The following CACNA1D variants were observed in gnomAD, a reference collection of about 807,000 sequenced individuals.
CACNA1D encodes calcium voltage-gated channel subunit alpha1 D.
Under a neutral mutation model 257.1 loss-of-function variants are expected in CACNA1D, and 55 were observed. The ratio of observed to expected loss-of-function variants is 0.21; its 90% confidence interval spans 0.17 to 0.27. CACNA1D has a LOEUF of 0.27. Ranked by LOEUF, CACNA1D falls within the 10% of genes least tolerant of loss-of-function variation. The probability of loss-of-function intolerance (pLI) is 1.00; values close to 1 mark genes in which losing one functional copy is unlikely to be tolerated. For missense variants in CACNA1D, 1,876 were observed against 2,784.0 expected (o/e 0.67, Z 7.34); for synonymous variants, 980 against 1,014.9 (o/e 0.97, Z 0.65).
In CACNA1D at chr3:53,706,348, A is replaced by C. The variant is rs143592374; in HGVS notation, c.1390+3538A>C. Among the ~76,000 whole-genome samples the C allele has an allele frequency of 3.5e-3, 533 of 152,320 alleles. 4 individuals are homozygous for C. Among genetic ancestry groups the C allele is most frequent in the African/African-American group, 0.012 (502 of 41,556 alleles). The stretch of plus-strand genomic sequence containing the variant: ...CAGCAGATGTCTGTGAGCTCACAGG[A>C]GGCAAAGGCTTGGGCTGGAGGGCAT... On this transcript the variant is annotated intron_variant, in intron 9 of 47. Coordinates refer to ENST00000350061, the MANE Select transcript of CACNA1D (RefSeq NM_001128840.3).
chr3:53,573,283 A>C (rs1251646290), intron 3 of CACNA1D, among the ~76,000 whole-genome samples: 1 of 152,080 alleles, frequency 6.6e-6, no homozygotes, highest in East Asian at 1.9e-4. Flanking sequence ...CCCCCGTAGG[A>C]GCGTCCTTTT....
intron 3 of CACNA1D, among the ~76,000 whole-genome samples, chr3:53,603,612 A>G (rs572776896): frequency 1.3e-5 from 2 of 152,356 alleles, no homozygotes; most frequent in Non-Finnish European, 2.9e-5. Context: ...TTAGCGACAG[A>G]GGGAGAAAAA....
rs555627579 is a variant in CACNA1D at position 53,787,993 on chromosome 3, G to A, written c.4923+1041G>A. On this transcript the variant is annotated intron_variant, in intron 40 of 47. Transcript: ENST00000350061. ...ATTTGGCCTTGTAGATATTGATAAG[G>A]TTCAACATGGAAGAGTCCTTCACTC... is the stretch of plus-strand genomic sequence containing the variant. 5.5e-4 allele frequency among the ~76,000 whole-genome samples: 83 copies of A among 152,292 alleles called. 1 individual carries two copies. The highest frequency in any genetic ancestry group is 1.9e-3 in the African/African-American group (81 of 41,544).
At chr3:53,580,317 A>T (rs1288895028) in intron 3 of CACNA1D, among the ~76,000 whole-genome samples, 1 of 152,218 alleles carries the variant, frequency 6.6e-6, no homozygotes, top group African/African-American at 2.4e-5. Context: ...TTTCATCTGG[A>T]TGCTCGTGTT....
chr3:53,622,503 T>G (rs978294097), intron 3 of CACNA1D, among the ~76,000 whole-genome samples: 1 of 152,204 alleles, frequency 6.6e-6, no homozygotes, highest in Non-Finnish European at 1.5e-5. Flanking sequence ...CCATTATCCT[T>G]AGCAAACTAA....
intron 3 of CACNA1D, among the ~76,000 whole-genome samples, chr3:53,531,341 G>A (rs2091943652): frequency 6.6e-6 from 1 of 152,122 alleles, no homozygotes; most frequent in African/African-American, 2.4e-5. Context: ...GCAGATTATA[G>A]TCTAACTCTG....
At chr3:53,512,376 G>C (rs1302196579) in intron 3 of CACNA1D, among the ~76,000 whole-genome samples, 1 of 152,192 alleles carries the variant, frequency 6.6e-6, no homozygotes, top group South Asian at 2.1e-4. Context: ...GCTTTGGCGT[G>C]TTTTAGGTTG....
intron 5 of CACNA1D, among the ~76,000 whole-genome samples, chr3:53,662,349 C>T (rs1443361036): frequency 2.0e-5 from 3 of 152,138 alleles, no homozygotes; most frequent in African/African-American, 4.8e-5. Flanking sequence ...GAGACCAGGC[C>T]TTCTGACCCC....
chr3:53,662,613 C>T (rs1395412680), intron 5 of CACNA1D, among the ~76,000 whole-genome samples: 4 of 152,102 alleles, frequency 2.6e-5, no homozygotes, highest in Non-Finnish European at 5.9e-5. Flanking sequence ...AGTAGCCAGA[C>T]AGAACCAGAC....
In CACNA1D at chr3:53,544,134, G is replaced by A. The variant is rs534267903; in HGVS notation, c.483+42414G>A. Among the ~76,000 whole-genome samples the A allele has an allele frequency of 3.9e-5, 6 of 152,224 alleles. No individual in the cohort carries two copies. In the East Asian group the frequency reaches 1.2e-3, roughly 29 times the overall value. On this transcript the variant is annotated intron_variant, in intron 3 of 47. Coordinates refer to ENST00000350061, the MANE Select transcript of CACNA1D (RefSeq NM_001128840.3). ...GATATTTCATGGACTGGGGATTGTGGGTGGGGGAAGGATGCAGATCTGACA... is the reference window on the plus strand; with the variant it reads ...GATATTTCATGGACTGGGGATTGTGAGTGGGGGAAGGATGCAGATCTGACA...
At chr3:53,622,747 T>TA (rs1559930722) in intron 3 of CACNA1D, among the ~76,000 whole-genome samples, 1 of 151,862 alleles carries the variant, frequency 6.6e-6, no homozygotes, top group African/African-American at 2.4e-5. Flanking sequence ...CCCCTGAACT[T>TA]AAAAAAAGGT....
intron 39 of CACNA1D, among the ~76,000 whole-genome samples, chr3:53,784,366 C>G (rs559250112): frequency 2.0e-5 from 3 of 152,176 alleles, no homozygotes; most frequent in African/African-American, 7.2e-5. Flanking sequence ...CTTTTCAGTC[C>G]GGAGCCCAGA....
chr3:53,796,420 C>T (rs933046666), intron 40 of CACNA1D: 8 of 455,840 alleles, frequency 1.8e-5, no homozygotes, highest in Non-Finnish European at 3.5e-5. Flanking sequence ...GGGCGGGGCT[C>T]TGGGCACTTG....
intron 45 of CACNA1D, among the ~76,000 whole-genome samples, chr3:53,805,769 TTCCCTCTTCC>T (rs1469236652): frequency 8.0e-6 from 1 of 124,888 alleles, no homozygotes; most frequent in African/African-American, 3.1e-5. Context: ...CTCCCTCATC[TTCCCTCTTCC>T]TCCCTCATCT....
rs541855420 is a variant in CACNA1D at position 53,674,609 on chromosome 3, C to G, written c.1220+1483C>G. On this transcript the variant is annotated intron_variant, in intron 8 of 47. Transcript: ENST00000350061. ...CCTTATGTTGCAGGCTCTGCCTTGC[C>G]CGTAGCTGGAGATGCCATCCCAGAA... 1.4e-4 allele frequency among the ~76,000 whole-genome samples: 21 copies of G among 152,342 alleles called. No individual in the cohort carries two copies. The East Asian group carries it at 4.0e-3, about 29-fold the overall frequency.
chr3:53,740,549 G>A (rs1424686989), intron 21 of CACNA1D: 8 of 493,122 alleles, frequency 1.6e-5, no homozygotes, highest in Non-Finnish European at 2.9e-5. Flanking sequence ...AGCGTGGAGT[G>A]CTTTTGATTT....
intron 3 of CACNA1D, among the ~76,000 whole-genome samples, chr3:53,632,721 C>T (rs1345432364): frequency 3.3e-5 from 5 of 152,112 alleles, no homozygotes; most frequent in South Asian, 2.1e-4. Flanking sequence ...AATGTTATTG[C>T]GTCTCAGGGA....
intron 12 of CACNA1D, among the ~76,000 whole-genome samples, chr3:53,722,968 T>C (rs1172200069): frequency 6.6e-6 from 1 of 152,176 alleles, no homozygotes; most frequent in Non-Finnish European, 1.5e-5. Context: ...TCCAGCCTGC[T>C]TGGTGATATT....
In CACNA1D at chr3:53,751,268, C is replaced by T. The variant is rs1314883713; in HGVS notation, c.3517-481C>T. ...ACTAGTCTTGGGGAATGAGCCAGCCCCTCTCGTTCTTGTGAGTTTCTGTGG... is the reference window on the plus strand; with the variant it reads ...ACTAGTCTTGGGGAATGAGCCAGCCTCTCTCGTTCTTGTGAGTTTCTGTGG... On this transcript the variant is annotated intron_variant, in intron 27 of 47. Coordinates refer to ENST00000350061, the MANE Select transcript of CACNA1D (RefSeq NM_001128840.3). This position sits in a 1 kb window ranked among gnomAD's most constrained non-coding sequence, Gnocchi z 4.3. 6.6e-6 allele frequency among the ~76,000 whole-genome samples: 1 copy of T among 152,236 alleles called. No homozygotes were observed. The highest frequency in any genetic ancestry group is 1.5e-5 in the Non-Finnish European group (1 of 68,040).
Sources: gnomAD v4.1 joint callset for allele counts (sites outside exome capture counted in the v4.1 genomes callset) on GRCh38, gnomAD v4.1.1 for gene constraint, Gnocchi (gnomAD v3.1) non-coding constraint, MANE v1.5 for transcripts, NCBI Gene and HGNC (gene_info 2026-07-23, HGNC 2026-07-21) for gene names.